Variants in C10orf90 observed in about 807,000 individuals in gnomAD.
C10orf90 encodes (E2-independent) E3 ubiquitin-conjugating enzyme FATS.
A neutral mutation model predicts 62.5 loss-of-function variants in C10orf90; 56 were observed. The ratio of observed to expected loss-of-function variants is 0.90; its 90% CI spans 0.72 to 1.12. C10orf90 has a LOEUF of 1.12. C10orf90 is among the 50% of genes most tolerant of loss of function. The pLI is 0.00. For missense variants in C10orf90, 970 were observed against 880.4 expected (o/e 1.10, Z -1.29); for synonymous variants, 386 against 340.4 (o/e 1.13, Z -1.47).
chr10:126,665,026 A>C (rs1286547113), intron 1 of C10orf90, among the ~76,000 whole-genome samples: 4 of 152,184 alleles, frequency 2.6e-5, no homozygotes, highest in Non-Finnish European at 2.9e-5. Context: ...GTGGAGGCTG[A>C]GCTGAGGCTT....
At chr10:126,535,791 G>A (rs1038144974) in intron 2 of C10orf90, among the ~76,000 whole-genome samples, 3 of 152,118 alleles carry the variant, frequency 2.0e-5, no homozygotes, top group African/African-American at 4.8e-5. Context: ...AGAGAGCACA[G>A]CATGGATAAC....
intron 4 of C10orf90, among the ~76,000 whole-genome samples, chr10:126,492,066 G>A (rs1449193714): frequency 6.6e-6 from 1 of 152,150 alleles, no homozygotes; most frequent in Non-Finnish European, 1.5e-5. Context: ...TCGGATCCTG[G>A]AACAGAAAAA....
intron 4 of C10orf90, among the ~76,000 whole-genome samples, chr10:126,497,832 C>A (rs1466050147): frequency 6.6e-6 from 1 of 152,192 alleles, no homozygotes; most frequent in Non-Finnish European, 1.5e-5. Context: ...TTCAATACAA[C>A]TATTTACAAA....
chr10:126,519,118 G>A (rs918581097), intron 2 of C10orf90, among the ~76,000 whole-genome samples: 1 of 152,184 alleles, frequency 6.6e-6, no homozygotes, highest in East Asian at 1.9e-4. Flanking sequence ...GTGGGAGGGA[G>A]GAGACACTTG....
intron 2 of C10orf90, among the ~76,000 whole-genome samples, chr10:126,540,251 TG>T (rs1157758366): frequency 6.6e-6 from 1 of 152,154 alleles, no homozygotes; most frequent in Non-Finnish European, 1.5e-5. Flanking sequence ...TCTTTCTAGA[TG>T]AAAAAGTAAA....
At chr10:126,579,027 G>C (rs568919231) in intron 2 of C10orf90, among the ~76,000 whole-genome samples, 4 of 151,902 alleles carry the variant, frequency 2.6e-5, no homozygotes, top group African/African-American at 9.7e-5. Context: ...TGTAAAATGT[G>C]CATTTTCTGT....
At chr10:126,543,690 T>C (rs11815568) in intron 2 of C10orf90, among the ~76,000 whole-genome samples, 4,152 of 152,324 alleles carry the variant, frequency 0.027, 115 homozygotes, top group African/African-American at 0.065. Flanking sequence ...TCCATGCCTA[T>C]GCTTTCTACC....
chr10:126,595,737 T>C (rs1341783510), intron 2 of C10orf90, among the ~76,000 whole-genome samples: 2 of 152,170 alleles, frequency 1.3e-5, no homozygotes, highest in African/African-American at 2.4e-5. Flanking sequence ...AATGAAACTT[T>C]ATCTAAAGAC....
At chr10:126,515,298 C>T (rs1465919539) in intron 2 of C10orf90, among the ~76,000 whole-genome samples, 3 of 152,150 alleles carry the variant, frequency 2.0e-5, no homozygotes, top group Admixed American at 6.5e-5. Flanking sequence ...GCAGACAATA[C>T]TGTCCTAGGC....
At chr10:126,662,617 T>TA in intron 1 of C10orf90, among the ~76,000 whole-genome samples, 1 of 152,298 alleles carries the variant, frequency 6.6e-6, no homozygotes, top group East Asian at 1.9e-4. Context: ...TCCTTCTGCC[T>TA]AAAATGTCCT....
intron 2 of C10orf90, among the ~76,000 whole-genome samples, chr10:126,559,050 G>A (rs1307701593): frequency 6.6e-6 from 1 of 152,204 alleles, no homozygotes; most frequent in Non-Finnish European, 1.5e-5. Flanking sequence ...AAAAATACTT[G>A]CATGTAGTAA....
rs1389261205 is a variant in C10orf90, at chr10:126,456,406, G to C, written c.2188+2634C>G. Among the ~76,000 whole-genome samples, 2 of 152,218 alleles carry C rather than the reference G, an allele frequency of 1.3e-5. No homozygotes were observed. Among genetic ancestry groups the C allele is most frequent in the Non-Finnish European group, 2.9e-5 (2 of 68,042 alleles). ...TGAGAGCATGCTGCTTGCCAGGACT[G>C]TCTTGGAATGTGGGGAGTAAAAGGT... On this transcript the variant is annotated intron_variant, in intron 7 of 9. Transcript: ENST00000488181. The surrounding 1 kb of genome is among the most constrained non-coding windows in gnomAD (Gnocchi z 4.9).
chr10:126,475,891 T>A (rs1439930706), intron 4 of C10orf90, among the ~76,000 whole-genome samples: 1 of 152,170 alleles, frequency 6.6e-6, no homozygotes, highest in African/African-American at 2.4e-5. Context: ...TTCTAATATG[T>A]TTTTTTGATA....
chr10:126,447,426 T>C (rs1028862096), intron 7 of C10orf90, among the ~76,000 whole-genome samples: 1 of 152,046 alleles, frequency 6.6e-6, no homozygotes, highest in African/African-American at 2.4e-5. Flanking sequence ...TCCAAAACTG[T>C]AAAAAGAGAC....
chr10:126,484,227 C>G (rs1304131018), intron 4 of C10orf90, among the ~76,000 whole-genome samples: 1 of 152,184 alleles, frequency 6.6e-6, no homozygotes, highest in Admixed American at 6.5e-5. Flanking sequence ...CCAATTCCCT[C>G]TAGATTCATC....
At chr10:126,523,140 G>A (rs759743225) in intron 2 of C10orf90, among the ~76,000 whole-genome samples, 3 of 152,170 alleles carry the variant, frequency 2.0e-5, no homozygotes, top group Non-Finnish European at 4.4e-5. Flanking sequence ...TGGTCACTTG[G>A]GCTCTAGCTG....
At chr10:126,521,823 T>C (rs1376651945) in intron 2 of C10orf90, among the ~76,000 whole-genome samples, 2 of 152,236 alleles carry the variant, frequency 1.3e-5, no homozygotes, top group African/African-American at 4.8e-5. Context: ...GACACTAAAT[T>C]ATAATGAGCA....
At chr10:126,463,004 C>T (rs1860084844) in intron 5 of C10orf90, among the ~76,000 whole-genome samples, 1 of 152,128 alleles carries the variant, frequency 6.6e-6, no homozygotes, top group Non-Finnish European at 1.5e-5. Flanking sequence ...AAAAGAGCGA[C>T]TACTCTGCCC....
chr10:126,642,603 A>G (rs528371954), intron 2 of C10orf90, among the ~76,000 whole-genome samples: 41 of 151,948 alleles, frequency 2.7e-4, no homozygotes, highest in Non-Finnish European at 5.3e-4. Flanking sequence ...CACCCCACAC[A>G]TGTGGCTCCT....
Sources: allele counts gnomAD v4.1 joint callset (sites outside exome capture counted in the v4.1 genomes callset), GRCh38; gene constraint gnomAD v4.1.1; non-coding constraint Gnocchi (gnomAD v3.1); transcripts MANE v1.5; gene names NCBI Gene and HGNC (gene_info 2026-07-23, HGNC 2026-07-21).